The following CEP290 variants were observed in gnomAD, a reference collection of about 807,000 sequenced individuals.
CEP290 encodes centrosomal protein of 290 kDa.
CEP290 carries 317 observed loss-of-function variants against 344.9 expected under a neutral mutation model. The observed-to-expected ratio is 0.92, with a 90% CI of 0.84 to 1.01. The LOEUF (loss-of-function observed/expected upper bound fraction) is 1.01, where lower values mean the gene tolerates loss of function less well. CEP290 is among the 50% of genes least tolerant of loss of function. The pLI is 0.00. For missense variants in CEP290, 2,754 were observed against 2,761.4 expected, an observed-to-expected ratio of 1.00 and a Z score of 0.06; for synonymous variants, 932 against 895.8, an observed-to-expected ratio of 1.04 and a Z score of -0.72.
chr12:88,097,498 G>A (rs542658306), intron 26 of CEP290, among the ~76,000 whole-genome samples: 1 of 151,920 alleles, frequency 6.6e-6, no homozygotes, highest in East Asian at 1.9e-4. Flanking sequence ...GGAACTGTGA[G>A]TCAATTAAAC....
chr12:88,139,733 T>C (rs2040539660), intron 3 of CEP290, among the ~76,000 whole-genome samples, 169 bp from the exon 4 acceptor site: 2 of 152,206 alleles, frequency 1.3e-5, no homozygotes, highest in Admixed American at 1.3e-4. Flanking sequence ...TTGTTTTTGT[T>C]TTTTTTGCTT....
At chr12:88,065,494 T>C (rs1227755770) in intron 44 of CEP290, among the ~76,000 whole-genome samples, 1 of 152,176 alleles carries the variant, frequency 6.6e-6, no homozygotes, top group Non-Finnish European at 1.5e-5. Flanking sequence ...AGGTTAATAC[T>C]AGGCAAATTC....
At chr12:88,059,393 G>C (rs2034275093) in intron 48 of CEP290, among the ~76,000 whole-genome samples, 1 of 152,020 alleles carries the variant, frequency 6.6e-6, no homozygotes, top group African/African-American at 2.4e-5. Context: ...GTATGTGTAA[G>C]CAACGTAGAT....
At chr12:88,054,525 C>T (rs368120021) in intron 50 of CEP290, 112 bp from the exon 51 acceptor site, 208 of 766,622 alleles carry the variant, frequency 2.7e-4, no homozygotes, top group Middle Eastern at 1.2e-3. Flanking sequence ...TTCAAAAGCA[C>T]GCATAGGCAA....
rs2038924361 is a variant in CEP290 at position 88,114,581 on chromosome 12, C to G, written c.1910-19G>C. Reference sequence around the variant, plus strand: ...TCTTTTACTGTAATTACACAGTTTTCTCATTGGATGATCAGATCTTTTTCA... The same window carrying G: ...TCTTTTACTGTAATTACACAGTTTTGTCATTGGATGATCAGATCTTTTTCA... On this transcript the variant is annotated intron_variant, in intron 19 of 53. Coordinates refer to ENST00000552810, the MANE Select transcript of CEP290 (RefSeq NM_025114.4). 6.6e-7 allele frequency: 1 copy of G among 1,519,792 alleles called. No individual in the cohort carries two copies. The highest frequency in any genetic ancestry group is 8.8e-7 in the Non-Finnish European group (1 of 1,132,568). The allele number at this position is 1,519,792 out of a possible 1,614,324, so 94.1% of individuals were successfully genotyped here.
At chr12:88,136,099 T>C (rs2040339908) in intron 6 of CEP290, 1 of 152,206 alleles carries the variant, frequency 6.6e-6, no homozygotes, top group Admixed American at 6.5e-5. Context: ...AAAAATGTTA[T>C]TTTAAATATG....
Position 88,066,878 on chromosome 12 carries a change from C to T in CEP290, c.6135+1644G>A, listed in dbSNP as rs116647861. Among the ~76,000 whole-genome samples, 946 of 152,216 alleles carry T rather than the reference C, an allele frequency of 6.2e-3. 11 individuals are homozygous for T. Among genetic ancestry groups the T allele is most frequent in the African/African-American group, 0.022 (912 of 41,520 alleles). On this transcript the variant is annotated intron_variant, in intron 44 of 53. Transcript: ENST00000552810. ...CTCTTGGCCTCAAGCAATCTTCCTG[C>T]CCCTGCCTCCCAAAGTGATTAAATG...
At chr12:88,110,325 T>A (rs567237292) in intron 22 of CEP290, among the ~76,000 whole-genome samples, 33 of 152,084 alleles carry the variant, frequency 2.2e-4, no homozygotes, top group Non-Finnish European at 3.7e-4. Flanking sequence ...CCAGGGCAGG[T>A]AGTATAGTAG....
At chr12:88,112,571 C>T (rs1239197234) in intron 20 of CEP290, among the ~76,000 whole-genome samples, 1 of 152,110 alleles carries the variant, frequency 6.6e-6, no homozygotes, top group East Asian at 1.9e-4. Context: ...ACAATGCACA[C>T]ATCTAATAAA....
Position 88,139,194 on chromosome 12 carries a change from A to AT in CEP290, c.251-4dup, listed in dbSNP as rs759170743. The AT allele has an allele frequency of 2.6e-5, 29 of 1,114,414 alleles. No homozygotes were observed. Among genetic ancestry groups the AT allele is most frequent in the Non-Finnish European group, 3.1e-5 (25 of 804,702 alleles). 69.0% of individuals were successfully genotyped at this position (1,114,414 alleles called of 1,614,324 possible). A position where few individuals can be genotyped will look rare whatever the true frequency, so the allele number is the denominator to read the frequency against. On this transcript the variant is annotated splice_polypyrimidine_tract_variant and splice_region_variant and intron_variant, in intron 4 of 53. Transcript: ENST00000552810. ...TACTTTAGTTTTTAATTGATTTTCT[A>AT]TTTTTTTAAAAAAAAAGAAAAACGT...
At chr12:88,067,220 A>C (rs1335435602) in intron 44 of CEP290, among the ~76,000 whole-genome samples, 1 of 152,302 alleles carries the variant, frequency 6.6e-6, no homozygotes, top group East Asian at 1.9e-4. Flanking sequence ...ATTGTAAAAA[A>C]AAAAAAAGCA....
At chr12:88,130,699 G>T (rs1407187002) in intron 7 of CEP290, 134 bp from the exon 8 acceptor site, 2 of 578,456 alleles carry the variant, frequency 3.5e-6, no homozygotes, top group Non-Finnish European at 5.6e-6. Flanking sequence ...ACCAAAGAAA[G>T]AATACTAATT....
Position 88,092,841 on chromosome 12 carries a change from A to G in CEP290, c.3310-9T>C, listed in dbSNP as rs752729387. 37 of 1,607,936 alleles carry G rather than the reference A, an allele frequency of 2.3e-5. No individual in the cohort carries two copies. Among genetic ancestry groups the G allele is most frequent in the Non-Finnish European group, 3.1e-5 (37 of 1,178,278 alleles). On this transcript the variant is annotated splice_polypyrimidine_tract_variant and intron_variant, in intron 28 of 53. Transcript: ENST00000552810. ...AAATTGATTTTGGTAAGCTAAGGAA[A>G]TGTAACAAAAAATGTTCAGATACAT...
intron 26 of CEP290, 109 bp from the exon 27 acceptor site, chr12:88,097,108 G>GT (rs2037487721): frequency 1.6e-6 from 1 of 629,682 alleles, no homozygotes; most frequent in Non-Finnish European, 2.7e-6. Flanking sequence ...TCACAATCCA[G>GT]TTTTTTACAA....
chr12:88,124,244 T>C lies in CEP290; in HGVS notation c.1189+1002A>G, dbSNP rs552607072. 6.6e-5 allele frequency among the ~76,000 whole-genome samples: 10 copies of C among 152,224 alleles called. No homozygotes were observed. The East Asian group carries it at 1.9e-3, about 29-fold the overall frequency. On this transcript the variant is annotated intron_variant, in intron 13 of 53. Transcript: ENST00000552810. ...ATGATATGGCCTCTGTTTACCTCTC[T>C]GGTCTTATCACTGCCTCACTTGCTG...
In CEP290 at chr12:88,111,304, T is replaced by A; in HGVS notation, c.2265A>T (p.Gly755=). The A allele has an allele frequency of 1.9e-6, 3 of 1,560,652 alleles. No individual in the cohort carries two copies. Among genetic ancestry groups the A allele is most frequent in the Non-Finnish European group, 2.6e-6 (3 of 1,152,598 alleles). Reference sequence around the variant, plus strand: ...CAATTCCTTTAAAAACAACATTTGATCCTTCTGATTGTCGTAAAAGACTAG... The same window carrying A: ...CAATTCCTTTAAAAACAACATTTGAACCTTCTGATTGTCGTAAAAGACTAG... The part of the protein sequence containing the change: ...KETSLLRQSE[G]SNVVFKGIDL... The change falls in exon 22 of 54, where the codon GGA becomes GGT. Residue 755 remains glycine (G), a synonymous_variant. Coordinates refer to ENST00000552810, the MANE Select transcript of CEP290 (RefSeq NM_025114.4).
Position 88,128,943 on chromosome 12 carries a change from T to A in CEP290, c.942+3A>T, listed in dbSNP as rs984907058. On this transcript the variant is annotated splice_donor_region_variant and intron_variant, in intron 11 of 53. Coordinates refer to ENST00000552810, the MANE Select transcript of CEP290 (RefSeq NM_025114.4). ...AGTTATTATGTCAATTGAAAAAAAA[T>A]ACCTTCCATTCTTCTACTTTTGCAT... 4 of 1,492,532 alleles carry A rather than the reference T, an allele frequency of 2.7e-6. No individual in the cohort carries two copies. Among genetic ancestry groups the A allele is most frequent in the Non-Finnish European group, 3.5e-6 (4 of 1,128,076 alleles). 92.5% of individuals were successfully genotyped at this position (1,492,532 alleles called of 1,614,324 possible). A position where few individuals can be genotyped will look rare whatever the true frequency, so the allele number is the denominator to read the frequency against.
rs374656545 is a variant in CEP290, at chr12:88,109,103, G to T, written c.2446C>A (p.Arg816Ser). Reference protein sequence around the residue: ...EDYNRKFAVIRHQQSLLYKEY... With the variant: ...EDYNRKFAVISHQQSLLYKEY... Reference sequence around the variant, plus strand: ...TTATACAACAAACTTTGTTGATGACGAATTACAGCAAATTTTCTGTTGTAA... The same window carrying T: ...TTATACAACAAACTTTGTTGATGACTAATTACAGCAAATTTTCTGTTGTAA... The change falls in exon 23 of 54, where the codon CGT becomes AGT. Residue 816 changes from arginine (R) to serine (S), a missense_variant. Physicochemically the swap from Arg to Ser is moderately radical, Grantham distance 110 (BLOSUM62 -1). Transcript: ENST00000552810. The T allele has an allele frequency of 2.1e-6, 3 of 1,451,390 alleles. No individual in the cohort carries two copies. The highest frequency in any genetic ancestry group is 1.4e-5 in the South Asian group (1 of 69,550). The allele number at this position is 1,451,390 out of a possible 1,614,324, so 89.9% of individuals were successfully genotyped here.
chr12:88,099,085 A>G (rs1370652883), intron 26 of CEP290, among the ~76,000 whole-genome samples: 1 of 152,214 alleles, frequency 6.6e-6, no homozygotes, highest in African/African-American at 2.4e-5. Context: ...TCAATAGAGA[A>G]ATCAGGGAAA....
Sources: gnomAD v4.1 joint callset for allele counts (sites outside exome capture counted in the v4.1 genomes callset) on GRCh38, gnomAD v4.1.1 for gene constraint, MANE v1.5 for transcripts, NCBI Gene and HGNC (gene_info 2026-07-23, HGNC 2026-07-21) for gene names.